Variants in KCNT1 observed in about 807,000 individuals in gnomAD.
KCNT1 encodes potassium sodium-activated channel subfamily T member 1.
Under a neutral mutation model 147.8 loss-of-function variants are expected in KCNT1, and 78 were observed. The observed-to-expected ratio is 0.53, with a 90% CI of 0.44 to 0.64. The LOEUF is 0.64. Among genes scored for constraint, KCNT1 ranks in the 30% least tolerant of loss-of-function variants. The pLI is 0.00. For synonymous variants in KCNT1, 867 were observed against 748.8 expected, an observed-to-expected ratio of 1.16 and a Z score of -2.58; for missense variants, 1,419 against 1,750.3, an observed-to-expected ratio of 0.81 and a Z score of 3.38.
At chr9:135,765,237 G>T in intron 12 of KCNT1, 42 bp downstream of exon 12, 2 of 1,577,422 alleles carry the variant, frequency 1.3e-6, no homozygotes. Flanking sequence ...CTCCCTCCCG[G>T]CCCCTAGAGA....
At position 135,757,185 on chromosome 9, in the gene KCNT1, G is replaced by C; in HGVS notation, c.630G>C (p.Val210=). 1 of 1,609,508 alleles carries C rather than the reference G, an allele frequency of 6.2e-7. No individual in the cohort carries two copies. The change falls in exon 8 of 31, where the codon GTG becomes GTC. Residue 210 remains valine, a synonymous_variant. Coordinates refer to ENST00000371757, the MANE Select transcript of KCNT1 (RefSeq NM_020822.3). Reference sequence around the variant, plus strand: ...ACATCTGGGAGCAGATCTTCCGCGTGTCCTTCGTCCTGGAGATGATCAACA... The same window carrying C: ...ACATCTGGGAGCAGATCTTCCGCGTCTCCTTCGTCCTGGAGATGATCAACA... ...KGNIWEQIFR[V]SFVLEMINTL... is the part of the protein sequence containing the mutation.
At chr9:135,791,633 G>T in intron 29 of KCNT1, 164 bp from the exon 30 acceptor site, 1 of 645,440 alleles carries the variant, frequency 1.5e-6, no homozygotes, top group Non-Finnish European at 2.8e-6. Context: ...TGTCGGTCAG[G>T]GATGGGCCCT....
At chr9:135,731,299 G>A (rs999180096) in intron 2 of KCNT1, among the ~76,000 whole-genome samples, 34 of 152,150 alleles carry the variant, frequency 2.2e-4, no homozygotes, top group African/African-American at 6.0e-4. Context: ...AATCTCAGTC[G>A]CCTGGCGTGT....
At position 135,707,937 on chromosome 9, in the gene KCNT1, G is replaced by A. The variant is rs137969053; in HGVS notation, c.110+5569G>A. ...TGGTGCTGAGCAGCCACCCTCGCAT[G>A]GGCAAGAAGCCCCTCCCCTAAAGAG... On this transcript the variant is annotated intron_variant, in intron 1 of 30. Coordinates refer to ENST00000371757, the MANE Select transcript of KCNT1 (RefSeq NM_020822.3). Among the ~76,000 whole-genome samples the A allele has an allele frequency of 5.2e-3, 791 of 152,330 alleles. 5 individuals carry two copies. The highest frequency in any genetic ancestry group is 0.034 in the Middle Eastern group (10 of 294).
intron 29 of KCNT1, chr9:135,790,134 A>C (rs971219833): frequency 6.6e-6 from 1 of 152,014 alleles, no homozygotes; most frequent in Non-Finnish European, 1.5e-5. Flanking sequence ...TGCCGGAGTG[A>C]AATGAGCTGG....
chr9:135,784,183 T>C, intron 25 of KCNT1, 58 bp downstream of exon 25: 1 of 1,290,520 alleles, frequency 7.7e-7, no homozygotes, highest in Non-Finnish European at 1.1e-6. Context: ...CGTCATGCCC[T>C]CAGCTCTTCA....
chr9:135,713,558 T>G (rs1835591407), intron 1 of KCNT1, among the ~76,000 whole-genome samples: 2 of 152,168 alleles, frequency 1.3e-5, no homozygotes, highest in African/African-American at 4.8e-5. Flanking sequence ...GTGTTCCAAA[T>G]GAGTGGCCTC....
intron 29 of KCNT1, chr9:135,791,572 C>T (rs868104665): frequency 3.6e-6 from 2 of 548,220 alleles, no homozygotes; most frequent in Non-Finnish European, 6.6e-6. Flanking sequence ...TCAGAGCTGG[C>T]TCCCAGCTGC....
intron 29 of KCNT1, among the ~76,000 whole-genome samples, chr9:135,787,435 C>T (rs1834149483): frequency 1.3e-5 from 2 of 152,352 alleles, no homozygotes. Flanking sequence ...CTCCACCTTC[C>T]CTTTGTTCCA....
Position 135,755,040 on chromosome 9 carries a change from G to T in KCNT1, c.492-81G>T, listed in dbSNP as rs1831392864. The T allele has an allele frequency of 4.4e-6, 6 of 1,350,822 alleles. No homozygotes were observed. In the Admixed American group the frequency reaches 7.0e-5, roughly 16 times the overall value. 83.7% of individuals were successfully genotyped at this position (1,350,822 alleles called of 1,614,324 possible). On this transcript the variant is annotated intron_variant, in intron 5 of 30. Transcript: ENST00000371757. ...ATGCTTGGGGCCAGTGGAGGCCAATGGTTATGGCCCCAGCCCCAGGGTGGC... is the reference window on the plus strand; with the variant it reads ...ATGCTTGGGGCCAGTGGAGGCCAATTGTTATGGCCCCAGCCCCAGGGTGGC...
At chr9:135,738,377 C>T (rs576821244) in intron 2 of KCNT1, among the ~76,000 whole-genome samples, 7 of 152,192 alleles carry the variant, frequency 4.6e-5, no homozygotes, top group Non-Finnish European at 7.4e-5. Context: ...CAACAGGGCT[C>T]GCGCTGAGAT....
chr9:135,780,238 G>A (rs1173360316), intron 24 of KCNT1, among the ~76,000 whole-genome samples: 2 of 148,040 alleles, frequency 1.4e-5, no homozygotes, highest in African/African-American at 2.6e-5. Context: ...CAGGGAGCAG[G>A]CACCTTGGTC....
chr9:135,753,900 G>A, intron 4 of KCNT1, 37 bp from the exon 5 acceptor site: 1 of 1,612,820 alleles, frequency 6.2e-7, no homozygotes, highest in Non-Finnish European at 8.5e-7. Flanking sequence ...TGGTGCTAGA[G>A]GGGCCAGGGC....
At chr9:135,732,620 G>A (rs902416020) in intron 2 of KCNT1, among the ~76,000 whole-genome samples, 2 of 152,094 alleles carry the variant, frequency 1.3e-5, no homozygotes, top group Non-Finnish European at 2.9e-5. Context: ...TCTCATCTTC[G>A]AGTGTGGCTT....
At position 135,708,201 on chromosome 9, in the gene KCNT1, C is replaced by T. The variant is rs549822842; in HGVS notation, c.110+5833C>T. 5.3e-5 allele frequency among the ~76,000 whole-genome samples: 8 copies of T among 152,366 alleles called. No individual in the cohort carries two copies. The South Asian group carries it at 1.7e-3, about 32-fold the overall frequency. On this transcript the variant is annotated intron_variant, in intron 1 of 30. Transcript: ENST00000371757. ...AGGGATGCCCACACACATACAGGCA[C>T]ATGCACACAGATCCATGTGCATGCA...
chr9:135,794,042 G>A lies in KCNT1; in HGVS notation c.*1881G>A, dbSNP rs72771911. 0.13 allele frequency: 19,630 copies of A among 152,372 alleles called. 1,510 individuals carry two copies. The highest frequency in any genetic ancestry group is 0.18 in the South Asian group (864 of 4,828). The allele number at this position is 152,372 out of a possible 1,614,324, so 9.4% of individuals were successfully genotyped here. On this transcript the variant is annotated 3_prime_UTR_variant, in exon 31 of 31. Transcript: ENST00000371757. ...CCCCCACACCCTGGCCCCCAGGCGA[G>A]GGGGGCTGCACAGCACCTGCAGGGA...
chr9:135,783,881 T>TG (rs1833806900), intron 24 of KCNT1, 143 bp from the exon 25 acceptor site: 2 of 663,358 alleles, frequency 3.0e-6, no homozygotes, highest in African/African-American at 3.5e-5. Context: ...TGTGTACACG[T>TG]GGACACACAC....
intron 2 of KCNT1, among the ~76,000 whole-genome samples, chr9:135,733,125 C>A (rs1368720533): frequency 6.6e-6 from 1 of 151,950 alleles, no homozygotes; most frequent in African/African-American, 2.4e-5. Flanking sequence ...CTGAGTCATT[C>A]ATCTCCAGTT....
intron 2 of KCNT1, among the ~76,000 whole-genome samples, chr9:135,716,655 G>A (rs535926149): frequency 6.6e-5 from 10 of 152,232 alleles, no homozygotes; most frequent in Admixed American, 4.6e-4. Context: ...CGGTCTTGGC[G>A]TGCTGTGCCC....
Sources: gnomAD v4.1 joint callset for allele counts (sites outside exome capture counted in the v4.1 genomes callset) on GRCh38, gnomAD v4.1.1 for gene constraint, MANE v1.5 for transcripts, NCBI Gene and HGNC (gene_info 2026-07-23, HGNC 2026-07-21) for gene names.